Variants in UNC79 observed in about 807,000 individuals in gnomAD.
UNC79 encodes unc-79 subunit of NALCN channel complex.
UNC79 carries 37 observed loss-of-function variants against 283.1 expected under a neutral mutation model. The ratio of observed to expected loss-of-function variants is 0.13; its 90% CI spans 0.10 to 0.17. UNC79 has a LOEUF of 0.17. Among genes scored for constraint, UNC79 ranks in the 10% least tolerant of loss-of-function variants. The pLI, the probability that UNC79 is intolerant of heterozygous loss-of-function variation, is 1.00. For missense variants in UNC79, 2,272 were observed against 3,211.1 expected, an observed-to-expected ratio of 0.71 and a Z score of 7.07; for synonymous variants, 1,107 against 1,200.2, an observed-to-expected ratio of 0.92 and a Z score of 1.61.
chr14:93,469,615 A>G (rs148069704), intron 2 of UNC79, among the ~76,000 whole-genome samples: 15 of 152,280 alleles, frequency 9.9e-5, no homozygotes, highest in African/African-American at 3.6e-4. Context: ...AAGTGAATTT[A>G]AGTGGAGATA....
intron 5 of UNC79, among the ~76,000 whole-genome samples, chr14:93,491,225 G>T (rs978034880): frequency 5.3e-5 from 8 of 152,040 alleles, no homozygotes; most frequent in Admixed American, 6.6e-5. Context: ...TTTAACAGAA[G>T]AATTTTGAGG....
At chr14:93,541,774 G>C (rs994562263) in intron 13 of UNC79, among the ~76,000 whole-genome samples, 1 of 152,188 alleles carries the variant, frequency 6.6e-6, no homozygotes, top group African/African-American at 2.4e-5. Flanking sequence ...GGGAGGCCAA[G>C]ACGGGCAGAT....
intron 14 of UNC79, among the ~76,000 whole-genome samples, chr14:93,561,655 T>C (rs926152003): frequency 6.6e-6 from 1 of 151,932 alleles, no homozygotes; most frequent in African/African-American, 2.4e-5. Context: ...AGAATGGGAA[T>C]GAGAATAAGA....
intron 14 of UNC79, among the ~76,000 whole-genome samples, chr14:93,566,677 T>C (rs550348089): frequency 4.0e-4 from 61 of 151,234 alleles, no homozygotes; most frequent in African/African-American, 1.4e-3. Flanking sequence ...CTTGCTCTGT[T>C]GCCAGGCAGG....
intron 14 of UNC79, among the ~76,000 whole-genome samples, chr14:93,546,831 A>G (rs1330676044): frequency 6.6e-6 from 1 of 152,172 alleles, no homozygotes; most frequent in African/African-American, 2.4e-5. Flanking sequence ...TTCCAGTGGT[A>G]TGATCTCAAT....
intron 4 of UNC79, among the ~76,000 whole-genome samples, chr14:93,479,170 T>A (rs1566974980): frequency 6.7e-6 from 1 of 149,160 alleles, no homozygotes; most frequent in Non-Finnish European, 1.5e-5. Flanking sequence ...CAGATGAGGC[T>A]GTTTCCTTCC....
chr14:93,478,650 G>C (rs1380973395), intron 4 of UNC79, among the ~76,000 whole-genome samples: 3 of 152,122 alleles, frequency 2.0e-5, no homozygotes, highest in African/African-American at 7.2e-5. Context: ...TAATTAAGAT[G>C]GTTAACTTGG....
chr14:93,437,115 G>A (rs1221731583), intron 1 of UNC79, among the ~76,000 whole-genome samples: 2 of 152,012 alleles, frequency 1.3e-5, no homozygotes, highest in Non-Finnish European at 2.9e-5. Flanking sequence ...ATACATTTAT[G>A]TATATGTTAT....
chr14:93,511,734 C>A (rs139492972), intron 7 of UNC79, among the ~76,000 whole-genome samples: 1 of 152,070 alleles, frequency 6.6e-6, no homozygotes, highest in East Asian at 1.9e-4. Context: ...CATGAGCCAC[C>A]GTGCATGACC....
At chr14:93,470,655 G>A (rs1427735427) in intron 2 of UNC79, among the ~76,000 whole-genome samples, 1 of 152,174 alleles carries the variant, frequency 6.6e-6, no homozygotes, top group Non-Finnish European at 1.5e-5. Flanking sequence ...ACTTAATCTA[G>A]TGGTGACCTG....
chr14:93,429,619 T>A (rs1275132477), upstream of UNC79, among the ~76,000 whole-genome samples: 1 of 152,238 alleles, frequency 6.6e-6, no homozygotes, highest in Non-Finnish European at 1.5e-5. Context: ...TTAAAATTCT[T>A]TCCCTAAATA....
intron 7 of UNC79, among the ~76,000 whole-genome samples, chr14:93,518,733 T>C (rs987990656): frequency 6.6e-6 from 1 of 151,954 alleles, no homozygotes. Flanking sequence ...TCATTATATA[T>C]GTTATGCTTT....
intron 2 of UNC79, among the ~76,000 whole-genome samples, chr14:93,473,658 T>C (rs938352743): frequency 1.3e-5 from 2 of 152,206 alleles, no homozygotes; most frequent in East Asian, 3.9e-4. Flanking sequence ...AAGTTCCTAT[T>C]TACCTGATGA....
intron 14 of UNC79, among the ~76,000 whole-genome samples, chr14:93,569,937 T>A (rs759406546): frequency 2.0e-5 from 3 of 152,180 alleles, no homozygotes; most frequent in South Asian, 2.1e-4. Context: ...TATTTATTTT[T>A]AAAAAATATT....
chr14:93,616,750 G>C (rs548490719), intron 27 of UNC79, among the ~76,000 whole-genome samples: 2 of 152,102 alleles, frequency 1.3e-5, no homozygotes, highest in South Asian at 2.1e-4. Context: ...ACTTGGTTCA[G>C]ATTGAACCAA....
At chr14:93,404,606 GA>G (rs1367252070) in intron 1 of UNC79, among the ~76,000 whole-genome samples, 1 of 145,990 alleles carries the variant, frequency 6.8e-6, no homozygotes, top group African/African-American at 2.5e-5. Flanking sequence ...TGAGCAGGGG[GA>G]AAAGGAGAGA....
chr14:93,336,727 A>G (rs2053584720), intron 1 of UNC79, among the ~76,000 whole-genome samples: 1 of 152,238 alleles, frequency 6.6e-6, no homozygotes, highest in South Asian at 2.1e-4. Flanking sequence ...TGGGGAAGAA[A>G]AGACAAGCAA....
chr14:93,364,443 G>A (rs1387473567), intron 1 of UNC79, among the ~76,000 whole-genome samples: 4 of 151,466 alleles, frequency 2.6e-5, no homozygotes, highest in Admixed American at 1.3e-4. Flanking sequence ...ATTGTAGGTG[G>A]AGAGATTAGA....
chr14:93,365,020 A>G (rs377224274), intron 1 of UNC79, among the ~76,000 whole-genome samples: 1 of 152,050 alleles, frequency 6.6e-6, no homozygotes, highest in African/African-American at 2.4e-5. Context: ...ATTGCTTGAG[A>G]CCAGGAGTTT....
Sources: gnomAD v4.1 joint callset for allele counts (sites outside exome capture counted in the v4.1 genomes callset) on GRCh38, gnomAD v4.1.1 for gene constraint, MANE v1.5 for transcripts, NCBI Gene and HGNC (gene_info 2026-07-23, HGNC 2026-07-21) for gene names.